HAUS7: variants seen among roughly 807,000 people sequenced by gnomAD.
HAUS7 encodes HAUS augmin like complex subunit 7.
In HAUS7, 3 loss-of-function variants were observed where a neutral mutation model predicts 28.4. That is an observed-to-expected ratio of 0.11 (90% confidence interval 0.05 to 0.27). HAUS7 has a LOEUF of 0.27. Ranked by LOEUF, HAUS7 falls within the 10% of genes least tolerant of loss-of-function variation. The probability of loss-of-function intolerance (pLI) is 1.00; values close to 1 mark genes in which losing one functional copy is unlikely to be tolerated. For missense variants in HAUS7, 284 were observed against 297.3 expected (o/e 0.96, Z 0.33); for synonymous variants, 165 against 132.1 (o/e 1.25, Z -1.71).
intron 4 of HAUS7, among the ~76,000 whole-genome samples, chrX:153,460,415 T>C (rs996868728): frequency 9.0e-6 from 1 of 111,524 alleles, no homozygotes; most frequent in Non-Finnish European, 1.9e-5. Context: ...AAGTATCAGT[T>C]TGGGAAGATG....
Position 153,485,998 on chromosome X carries a change from G to A in HAUS7, c.-589+9376C>T, listed in dbSNP as rs371555619. 1.4e-5 allele frequency: 14 copies of A among 978,972 alleles called. No homozygotes were observed. In the African/African-American group the frequency reaches 1.6e-4, roughly 11 times the overall value. The allele number at this position is 978,972 out of a possible 1,213,427, so 80.7% of individuals were successfully genotyped here. On this transcript the variant is annotated intron_variant, in intron 1 of 5. Coordinates refer to the HAUS7 transcript ENST00000370210. The stretch of plus-strand genomic sequence containing the variant: ...TCCTGGGCCTGCGCGCCTCGCTGGC[G>A]GAGCTGCTCCTGGATCATAACCAGG...
intron 3 of HAUS7, among the ~76,000 whole-genome samples, chrX:153,464,204 G>A (rs187705184): frequency 4.4e-5 from 5 of 112,621 alleles, no homozygotes; most frequent in Non-Finnish European, 7.5e-5. Flanking sequence ...TGGGAATGGC[G>A]GTGTCAGGGC....
chrX:153,480,887 G>A, intron 1 of HAUS7: 1 of 754,996 alleles, frequency 1.3e-6, no homozygotes, highest in Non-Finnish European at 1.6e-6. Flanking sequence ...GGCCCTGGCA[G>A]GCCGGCAGGG....
intron 1 of HAUS7, among the ~76,000 whole-genome samples, chrX:153,484,586 G>A (rs921071058): frequency 7.3e-5 from 8 of 109,299 alleles, no homozygotes; most frequent in Admixed American, 2.9e-4. Flanking sequence ...AGTGGGGAGG[G>A]AGGCGGGGGT....
rs782578275 is a variant in HAUS7, at chrX:153,469,922, G to A, written c.108+528C>T. Among the ~76,000 whole-genome samples the A allele has an allele frequency of 1.4e-4, 16 of 111,057 alleles. No individual in the cohort carries two copies. In the East Asian group the frequency reaches 4.0e-3, roughly 28 times the overall value. ...TGGGGGAGTGTCTGGGGGGAGGAGC[G>A]AGCGGGCCGAGGGGACCTGGGACAG... On this transcript the variant is annotated intron_variant, in intron 1 of 9. Transcript: ENST00000370211.
chrX:153,479,369 C>A, intron 1 of HAUS7: 1 of 754,703 alleles, frequency 1.3e-6, no homozygotes, highest in South Asian at 6.7e-5. Flanking sequence ...CTGCCCAGCC[C>A]ACCAGGGGCC....
chrX:153,457,587 A>C (rs182690123), intron 4 of HAUS7, among the ~76,000 whole-genome samples: 1 of 113,347 alleles, frequency 8.8e-6, no homozygotes, highest in African/African-American at 3.2e-5. Flanking sequence ...GGACACCTCC[A>C]GGACAAGGCC....
At chrX:153,478,458 G>C (rs781971011) in intron 1 of HAUS7, among the ~76,000 whole-genome samples, 1 of 112,820 alleles carries the variant, frequency 8.9e-6, no homozygotes, top group Non-Finnish European at 1.9e-5. Context: ...AAAAGGATGC[G>C]TGCAGCCTAG....
chrX:153,470,468 C>T lies in HAUS7; in HGVS notation c.90G>A (p.Glu30=), dbSNP rs781987063. 6 of 1,209,446 alleles carry T rather than the reference C, an allele frequency of 5.0e-6. No homozygotes were observed. The South Asian group carries it at 1.1e-4, about 21-fold the overall frequency. ...GDSSVSRAAV[E]VFGKLKDLNC... The stretch of plus-strand genomic sequence containing the variant: ...ACAGCACCTTCAGCTTCCCGAACAC[C>T]TCCACAGCCGCCCTGGACACGCTGC... The change falls in exon 1 of 10, where the codon GAG becomes GAA. Residue 30 remains glutamate (E), a synonymous_variant. Coordinates refer to ENST00000370211, the MANE Select transcript of HAUS7 (RefSeq NM_001385482.1).
At chrX:153,474,978 A>G (rs2089553200), upstream of HAUS7, among the ~76,000 whole-genome samples, 1 of 109,483 alleles carries the variant, frequency 9.1e-6, no homozygotes, top group Admixed American at 9.4e-5. Flanking sequence ...CAGGACGGGA[A>G]CACGAACGTG....
At position 153,463,487 on chromosome X, in the gene HAUS7, A is replaced by G. The variant is rs1167570018; in HGVS notation, c.293-816T>C. ...GCGCTGCCTCCTGCACTGCCTCTCC[A>G]AACTTTCACCTGGACCACTCACTGC... is the stretch of plus-strand genomic sequence containing the variant. On this transcript the variant is annotated intron_variant, in intron 3 of 9. Coordinates refer to ENST00000370211, the MANE Select transcript of HAUS7 (RefSeq NM_001385482.1). 2.7e-5 allele frequency among the ~76,000 whole-genome samples: 3 copies of G among 111,843 alleles called. No homozygotes were observed. In the East Asian group the frequency reaches 8.4e-4, roughly 31 times the overall value.
At chrX:153,472,736 T>G, upstream of HAUS7, among the ~76,000 whole-genome samples, 1 of 107,370 alleles carries the variant, frequency 9.3e-6, no homozygotes, top group African/African-American at 3.4e-5. Context: ...TGTGGAGGGT[T>G]GAGTCCTACC....
At chrX:153,465,831 T>C (rs782426077) in intron 2 of HAUS7, among the ~76,000 whole-genome samples, 1 of 112,166 alleles carries the variant, frequency 8.9e-6, no homozygotes, top group African/African-American at 3.2e-5. Flanking sequence ...CCAAGCCCCA[T>C]GCCTCAAGCC....
chrX:153,455,572 G>T lies in HAUS7; in HGVS notation c.900C>A (p.Ala300=). The change falls in exon 8 of 10, where the codon GCC becomes GCA. Residue 300 remains alanine, a synonymous_variant. Transcript: ENST00000370211. The part of the protein sequence containing the change: ...DLHPCGPIIQ[A]THQNLTSYSQ... ...TGTAGGAAGTCAGATTCTGGTGCGT[G>T]GCCTGGATGATGGGGCCGCACGGGT... is the stretch of plus-strand genomic sequence containing the variant. 5 of 1,206,961 alleles carry T rather than the reference G, an allele frequency of 4.1e-6. No individual in the cohort carries two copies. Among genetic ancestry groups the T allele is most frequent in the Non-Finnish European group, 5.6e-6 (5 of 891,360 alleles).
In HAUS7 at chrX:153,456,499, C is replaced by G. The variant is rs1556982223; in HGVS notation, c.599G>C (p.Trp200Ser). The stretch of plus-strand genomic sequence containing the variant: ...GGCCTCCAGGAGCACGTACCACTGC[C>G]AGTCATCACTCTGCTTGTTGAGGAG... ...QPLLNKQSDDWQWASASAKSE... is the reference protein window; with the variant it reads ...QPLLNKQSDDSQWASASAKSE... The change falls in exon 6 of 10, where the codon TGG (tryptophan) becomes TCG (serine). Residue 200 changes from tryptophan (W) to serine (S), a missense_variant. By Grantham distance (177) the Trp-to-Ser change is radical. Coordinates refer to ENST00000370211, the MANE Select transcript of HAUS7 (RefSeq NM_001385482.1). 1 of 1,181,283 alleles carries G rather than the reference C, an allele frequency of 8.5e-7. No individual in the cohort carries two copies. Among genetic ancestry groups the G allele is most frequent in the Non-Finnish European group, 1.1e-6 (1 of 879,699 alleles).
At chrX:153,449,352 C>T (rs1556980699) in intron 9 of HAUS7, among the ~76,000 whole-genome samples, 1 of 112,349 alleles carries the variant, frequency 8.9e-6, no homozygotes, top group Non-Finnish European at 1.9e-5. Flanking sequence ...GTGCTCAGCC[C>T]GCCTGGAATT....
chrX:153,466,024 G>C (rs781969421), intron 2 of HAUS7, among the ~76,000 whole-genome samples: 5 of 112,834 alleles, frequency 4.4e-5, no homozygotes, highest in Admixed American at 3.7e-4. Flanking sequence ...CTGCTGACTC[G>C]TGTGGTGGGA....
intron 5 of HAUS7, 128 bp from the exon 6 acceptor site, chrX:153,456,779 G>A (rs781802745): frequency 2.5e-4 from 137 of 540,654 alleles, no homozygotes; most frequent in South Asian, 2.3e-3. Flanking sequence ...AAGCCCCACC[G>A]CGCAGAATCC....
At chrX:153,454,535 AG>A (rs781877581) in intron 8 of HAUS7, 27 bp from the exon 9 acceptor site, 3 of 91,381 alleles carry the variant, frequency 3.3e-5, no homozygotes, top group African/African-American at 1.5e-4. Flanking sequence ...GGAGGGAGGG[AG>A]GGAGGGAGGG....
Sources: gnomAD v4.1 joint callset for allele counts (sites outside exome capture counted in the v4.1 genomes callset) on GRCh38, gnomAD v4.1.1 for gene constraint, MANE v1.5 for transcripts, NCBI Gene and HGNC (gene_info 2026-07-23, HGNC 2026-07-21) for gene names.